The following FMN1 variants were observed in gnomAD, a reference collection of about 807,000 sequenced individuals.
FMN1 encodes the protein formin 1, also known as formin-1.
Under a neutral mutation model 132.4 loss-of-function variants are expected in FMN1, and 110 were observed. The observed-to-expected ratio is 0.83, with a 90% CI of 0.71 to 0.97. The LOEUF is 0.97. Ranked by LOEUF, FMN1 falls within the 50% of genes least tolerant of loss-of-function variation. The pLI is 0.00. For missense variants in FMN1, 1,792 were observed against 1,705.3 expected, an observed-to-expected ratio of 1.05 and a Z score of -0.90; for synonymous variants, 722 against 651.7, an observed-to-expected ratio of 1.11 and a Z score of -1.64.
At chr15:32,985,026 C>A (rs1419577029) in intron 7 of FMN1, among the ~76,000 whole-genome samples, 1 of 144,312 alleles carries the variant, frequency 6.9e-6, no homozygotes, top group Admixed American at 6.9e-5. Context: ...TGCCTTAACT[C>A]TATCCCTTCT....
Position 33,049,232 on chromosome 15 carries a change from A to C in FMN1, c.2161+15725T>G, listed in dbSNP as rs1291738497. On this transcript the variant is annotated intron_variant, in intron 6 of 20. Coordinates refer to ENST00000616417, the MANE Select transcript of FMN1 (RefSeq NM_001277313.2). ...AGAAAGGGGGAATTTTTTTTAAACA[A>C]AATTATGGGAGGCCCTTGTTTTGGA... Among the ~76,000 whole-genome samples the C allele has an allele frequency of 3.9e-5, 6 of 152,162 alleles. No homozygotes were observed. In the East Asian group the frequency reaches 1.2e-3, roughly 29 times the overall value.
chr15:32,807,221 T>C (rs994800637), intron 17 of FMN1, among the ~76,000 whole-genome samples: 1 of 152,266 alleles, frequency 6.6e-6, no homozygotes, highest in Admixed American at 6.5e-5. Context: ...AAATGTAGTA[T>C]ATTTCAACTA....
intron 5 of FMN1, among the ~76,000 whole-genome samples, chr15:33,082,324 C>T (rs77493427): frequency 5.9e-5 from 9 of 152,196 alleles, no homozygotes; most frequent in Non-Finnish European, 1.2e-4. Flanking sequence ...CCACCTGCCT[C>T]GGCCTCCCAA....
chr15:33,067,761 T>G (rs1160430549), intron 5 of FMN1: 2 of 1,614,036 alleles, frequency 1.2e-6, no homozygotes, highest in South Asian at 2.2e-5. Context: ...AATTTACTCG[T>G]AAACCCAAAT....
At position 33,048,644 on chromosome 15, in the gene FMN1, A is replaced by AAAAAAACAAAAAC; in HGVS notation, c.2161+16312_2161+16313insGTTTTTGTTTTTT. ...TGGGCAATTTACCAAAAAAAAAAAA[A>AAAAAAACAAAAAC]AAAAACCAACAGTTTAATGGACTTA... is the stretch of plus-strand genomic sequence containing the variant. On this transcript the variant is annotated intron_variant, in intron 6 of 20. Coordinates refer to ENST00000616417, the MANE Select transcript of FMN1 (RefSeq NM_001277313.2). 1.5e-4 allele frequency among the ~76,000 whole-genome samples: 13 copies of AAAAAAACAAAAAC among 86,942 alleles called. 2 individuals are homozygous for AAAAAAACAAAAAC. Among genetic ancestry groups the AAAAAAACAAAAAC allele is most frequent in the Admixed American group, 4.8e-4 (3 of 6,298 alleles). The allele number at this position is 86,942 out of a possible 152,430, so 57.0% of individuals were successfully genotyped here.
chr15:32,965,914 A>G (rs1441650641), intron 8 of FMN1, among the ~76,000 whole-genome samples: 1 of 152,034 alleles, frequency 6.6e-6, no homozygotes, highest in Non-Finnish European at 1.5e-5. Flanking sequence ...CCCCTCTGCT[A>G]CTCACTTAAC....
intron 4 of FMN1, among the ~76,000 whole-genome samples, chr15:33,113,441 T>C (rs1051664350): frequency 6.6e-6 from 1 of 152,144 alleles, no homozygotes; most frequent in African/African-American, 2.4e-5. Flanking sequence ...GTTGTTGTCT[T>C]ATACTGTTTA....
At chr15:32,795,288 GA>G (rs1173062482) in intron 19 of FMN1, among the ~76,000 whole-genome samples, 1 of 152,192 alleles carries the variant, frequency 6.6e-6, no homozygotes, top group Non-Finnish European at 1.5e-5. Flanking sequence ...AGAGGGCAAT[GA>G]AAATTCTTTC....
chr15:33,115,513 C>A (rs1322834380), intron 4 of FMN1, among the ~76,000 whole-genome samples: 2 of 149,912 alleles, frequency 1.3e-5, no homozygotes, highest in African/African-American at 2.5e-5. Context: ...CACACACACA[C>A]GCACACACAC....
chr15:33,096,971 T>A (rs186759877), intron 4 of FMN1, among the ~76,000 whole-genome samples: 136 of 152,132 alleles, frequency 8.9e-4, no homozygotes, highest in African/African-American at 3.2e-3. Flanking sequence ...GCTCTGGTAA[T>A]TTTTTTCAGT....
intron 6 of FMN1, among the ~76,000 whole-genome samples, chr15:33,035,787 T>C (rs578116165): frequency 2.6e-5 from 4 of 152,290 alleles, no homozygotes; most frequent in South Asian, 2.1e-4. Context: ...CCAAAACTCA[T>C]GTTAAAACAT....
intron 6 of FMN1, among the ~76,000 whole-genome samples, chr15:33,047,202 T>C (rs1376245873): frequency 1.3e-5 from 2 of 152,220 alleles, no homozygotes; most frequent in Non-Finnish European, 2.9e-5. Flanking sequence ...CATGAGCATC[T>C]TCTAGCTTCC....
intron 5 of FMN1, among the ~76,000 whole-genome samples, chr15:33,076,454 C>T (rs2038213000): frequency 6.6e-6 from 1 of 152,024 alleles, no homozygotes; most frequent in Non-Finnish European, 1.5e-5. Flanking sequence ...AGTTCGAACT[C>T]CAAAGATCCA....
chr15:33,187,575 T>A (rs541415450), intron 2 of FMN1, among the ~76,000 whole-genome samples: 14 of 152,232 alleles, frequency 9.2e-5, no homozygotes, highest in Admixed American at 8.5e-4. Context: ...ACAAAAGAAT[T>A]CTGTGGGTCA....
At chr15:33,096,185 G>A (rs1365218743) in intron 4 of FMN1, among the ~76,000 whole-genome samples, 2 of 152,134 alleles carry the variant, frequency 1.3e-5, no homozygotes, top group East Asian at 3.9e-4. Context: ...GCTGACAGAA[G>A]TTTTTGTGAT....
intron 6 of FMN1, among the ~76,000 whole-genome samples, chr15:33,013,968 C>T (rs190615524): frequency 9.0e-4 from 137 of 152,236 alleles, no homozygotes; most frequent in Non-Finnish European, 1.8e-3. Flanking sequence ...ATTAACAAAC[C>T]GATGAAGGAG....
At chr15:32,831,903 C>A (rs996867849) in intron 17 of FMN1, among the ~76,000 whole-genome samples, 1 of 152,070 alleles carries the variant, frequency 6.6e-6, no homozygotes, top group African/African-American at 2.4e-5. Context: ...GAAACTGGCA[C>A]CAGGGATTTC....
rs61461651 is a variant in FMN1 at position 33,031,536 on chromosome 15, C to G, written c.2162-23461G>C. On this transcript the variant is annotated intron_variant, in intron 6 of 20. Coordinates refer to ENST00000616417, the MANE Select transcript of FMN1 (RefSeq NM_001277313.2). ...TTGGCCATTACTATCCCCATTAAAC[C>G]TTTAGCAATATGTACTCGTCCTCTT... is the stretch of plus-strand genomic sequence containing the variant. 8.7e-3 allele frequency among the ~76,000 whole-genome samples: 1,319 copies of G among 152,276 alleles called. 21 individuals are homozygous for G. Among genetic ancestry groups the G allele is most frequent in the African/African-American group, 0.03 (1,259 of 41,548 alleles).
intron 5 of FMN1, among the ~76,000 whole-genome samples, chr15:33,073,833 T>A (rs2038093644): frequency 6.6e-6 from 1 of 151,678 alleles, no homozygotes; most frequent in African/African-American, 2.4e-5. Flanking sequence ...CTTGCTCAAA[T>A]GATTCTCCCA....
Sources: allele counts gnomAD v4.1 joint callset (sites outside exome capture counted in the v4.1 genomes callset), GRCh38; gene constraint gnomAD v4.1.1; transcripts MANE v1.5; gene names NCBI Gene and HGNC (gene_info 2026-07-23, HGNC 2026-07-21).